Variants in IL1RL2 observed in about 807,000 individuals in gnomAD.
The protein encoded by IL1RL2 is interleukin 1 receptor like 2.
A neutral mutation model predicts 66.8 loss-of-function variants in IL1RL2; 68 were observed. That is an observed-to-expected ratio of 1.02 (90% CI 0.84 to 1.25). The LOEUF (loss-of-function observed/expected upper bound fraction) is 1.25, where lower values mean the gene tolerates loss of function less well. Ranked by LOEUF, IL1RL2 falls within the 50% of genes most tolerant of loss-of-function variation. The pLI, the probability that IL1RL2 is intolerant of heterozygous loss-of-function variation, is 0.00. For synonymous variants in IL1RL2, 305 were observed against 264.6 expected, an observed-to-expected ratio of 1.15 and a Z score of -1.48; for missense variants, 729 against 709.3, an observed-to-expected ratio of 1.03 and a Z score of -0.32.
chr2:102,217,476 A>G (rs1034310982), intron 6 of IL1RL2, among the ~76,000 whole-genome samples: 1 of 152,124 alleles, frequency 6.6e-6, no homozygotes, highest in African/African-American at 2.4e-5. Context: ...AAAAAGACCA[A>G]AAGGCCCAAA....
At chr2:102,232,617 G>A (rs927881321) in intron 9 of IL1RL2, among the ~76,000 whole-genome samples, 3 of 152,220 alleles carry the variant, frequency 2.0e-5, no homozygotes, top group Non-Finnish European at 4.4e-5. Flanking sequence ...CGCTGGACGA[G>A]TCTTCTGCCT....
Position 102,218,995 on chromosome 2 carries a change from A to G in IL1RL2, c.767A>G (p.Asp256Gly). ...GACTGCAATGTAACAGACACCAAGG[A>G]TAATACAAATCTACGATGCTGGAGA... is the stretch of plus-strand genomic sequence containing the variant. Reference protein sequence around the residue: ...IVDCNVTDTKDNTNLRCWRVN... With the variant: ...IVDCNVTDTKGNTNLRCWRVN... The change falls in exon 7 of 12, where the codon GAT becomes GGT. Residue 256 changes from aspartate (D) to glycine (G), a missense_variant. Transcript: ENST00000264257. 6.2e-7 allele frequency: 1 copy of G among 1,613,626 alleles called. No homozygotes were observed. The highest frequency in any genetic ancestry group is 1.1e-5 in the South Asian group (1 of 91,078).
chr2:102,233,264 G>A (rs1449700006), intron 10 of IL1RL2, 140 bp downstream of exon 10: 9 of 810,732 alleles, frequency 1.1e-5, no homozygotes, highest in African/African-American at 5.2e-5. Context: ...CCCCCTGCCC[G>A]TCAGCCCCCA....
At position 102,212,272 on chromosome 2, in the gene IL1RL2, A is replaced by T. The variant is rs906891425; in HGVS notation, c.724+98A>T. The T allele has an allele frequency of 1.4e-5, 12 of 861,516 alleles. No homozygotes were observed. In the African/African-American group the frequency reaches 2.0e-4, roughly 14 times the overall value. 53.4% of individuals were successfully genotyped at this position (861,516 alleles called of 1,614,324 possible). A position where few individuals can be genotyped will look rare whatever the true frequency, so the allele number is the denominator to read the frequency against. On this transcript the variant is annotated intron_variant, in intron 6 of 11. Coordinates refer to ENST00000264257, the MANE Select transcript of IL1RL2 (RefSeq NM_003854.4). ...TTTTGAATGTTAAGGATGAAGATAA[A>T]TCCTATACACACCCAGTTTCCAGCT...
At chr2:102,220,914 C>T (rs1264126491) in intron 8 of IL1RL2, among the ~76,000 whole-genome samples, 2 of 152,178 alleles carry the variant, frequency 1.3e-5, no homozygotes, top group African/African-American at 2.4e-5. Context: ...CCTAAGTGCC[C>T]GTTACCTCCC....
chr2:102,187,116 C>T (rs1207571235), intron 1 of IL1RL2, 30 bp downstream of exon 1: 5 of 1,288,498 alleles, frequency 3.9e-6, no homozygotes, highest in African/African-American at 3.0e-5. Flanking sequence ...TCTGGCTGAG[C>T]CAGGCATGGG....
At chr2:102,227,035 T>A (rs1443593553) in intron 9 of IL1RL2, among the ~76,000 whole-genome samples, 1 of 152,240 alleles carries the variant, frequency 6.6e-6, no homozygotes, top group Non-Finnish European at 1.5e-5. Flanking sequence ...CCTGACTCTC[T>A]GAGAGCCTGG....
At chr2:102,229,055 G>T (rs916116694) in intron 9 of IL1RL2, among the ~76,000 whole-genome samples, 1 of 152,212 alleles carries the variant, frequency 6.6e-6, no homozygotes, top group East Asian at 1.9e-4. Context: ...AAGCATTTGC[G>T]TGGAGGCCAG....
At position 102,239,191 on chromosome 2, in the gene IL1RL2, G is replaced by C. The variant is rs751856142; in HGVS notation, c.1679-1G>C. ...AGTAAATAGATCTTTCCTGATTTCA[G>C]GCCCAGAACTAGGCTCAAGAAGAAA... On this transcript the variant is annotated splice_acceptor_variant, in intron 11 of 11. Coordinates refer to ENST00000264257, the MANE Select transcript of IL1RL2 (RefSeq NM_003854.4). LOFTEE classifies it high-confidence loss of function. 1 of 1,613,852 alleles carries C rather than the reference G, an allele frequency of 6.2e-7. No homozygotes were observed. The highest frequency in any genetic ancestry group is 8.5e-7 in the Non-Finnish European group (1 of 1,179,796).
At chr2:102,211,300 G>A (rs1162148602) in intron 5 of IL1RL2, among the ~76,000 whole-genome samples, 2 of 152,166 alleles carry the variant, frequency 1.3e-5, no homozygotes, top group African/African-American at 4.8e-5. Context: ...CAGACAAATG[G>A]GAGAGGAAAG....
At chr2:102,191,098 C>T (rs900439243) in intron 3 of IL1RL2, among the ~76,000 whole-genome samples, 1 of 152,044 alleles carries the variant, frequency 6.6e-6, no homozygotes, top group Non-Finnish European at 1.5e-5. Flanking sequence ...ATAATTTTCT[C>T]TTTCACAATA....
At position 102,208,693 on chromosome 2, in the gene IL1RL2, A is replaced by G. The variant is rs142449113; in HGVS notation, c.650-3407A>G. ...TGGCTCCCTGCTGCCTATGCAGGAC[A>G]GGGCCCTTTACTCTGTACAGTCCAG... On this transcript the variant is annotated intron_variant, in intron 5 of 11. Transcript: ENST00000264257. Among the ~76,000 whole-genome samples the G allele has an allele frequency of 1.8e-3, 268 of 152,360 alleles. 2 individuals are homozygous for G. Among genetic ancestry groups the G allele is most frequent in the African/African-American group, 5.9e-3 (244 of 41,592 alleles).
rs35846688 is a variant in IL1RL2, at chr2:102,197,023, G to A, written c.490-4533G>A. 4.0e-3 allele frequency among the ~76,000 whole-genome samples: 609 copies of A among 152,212 alleles called. 1 individual carries two copies. Among genetic ancestry groups the A allele is most frequent in the African/African-American group, 0.014 (581 of 41,524 alleles). ...TCCTAGAAATCAAGTTAAGAAGTGC[G>A]GTTCATTTCAGAAAGTTATAAAGTA... On this transcript the variant is annotated intron_variant, in intron 4 of 11. Coordinates refer to ENST00000264257, the MANE Select transcript of IL1RL2 (RefSeq NM_003854.4).
chr2:102,191,190 T>A (rs778056733), intron 3 of IL1RL2, among the ~76,000 whole-genome samples: 1 of 152,182 alleles, frequency 6.6e-6, no homozygotes, highest in Non-Finnish European at 1.5e-5. Flanking sequence ...AATACTGCCT[T>A]AGCCCTTAAT....
intron 5 of IL1RL2, among the ~76,000 whole-genome samples, chr2:102,203,886 G>GT (rs1004426774): frequency 1.1e-4 from 16 of 151,288 alleles, no homozygotes; most frequent in African/African-American, 3.4e-4. Context: ...GATCTTCTGT[G>GT]TTTTTTTCAT....
At chr2:102,224,181 T>C (rs1432242192) in intron 8 of IL1RL2, among the ~76,000 whole-genome samples, 1 of 152,146 alleles carries the variant, frequency 6.6e-6, no homozygotes, top group Non-Finnish European at 1.5e-5. Flanking sequence ...AAACTAAAAA[T>C]ATAACAACCA....
At chr2:102,235,771 A>G (rs980494488) in intron 11 of IL1RL2, 2 of 985,408 alleles carry the variant, frequency 2.0e-6, no homozygotes, top group Non-Finnish European at 2.4e-6. Context: ...CTCAGGGGTC[A>G]TTTGCTGTGT....
At chr2:102,231,676 G>A (rs1559562407) in intron 9 of IL1RL2, among the ~76,000 whole-genome samples, 1 of 152,108 alleles carries the variant, frequency 6.6e-6, no homozygotes, top group Non-Finnish European at 1.5e-5. Context: ...TGTGCATGTG[G>A]ATGGTCTGCC....
At chr2:102,194,235 G>A (rs1042423513) in intron 4 of IL1RL2, among the ~76,000 whole-genome samples, 1 of 152,144 alleles carries the variant, frequency 6.6e-6, no homozygotes, top group Non-Finnish European at 1.5e-5. Context: ...ATCATATGTA[G>A]TGTTTATGTC....
Sources: allele counts gnomAD v4.1 joint callset (sites outside exome capture counted in the v4.1 genomes callset), GRCh38; gene constraint gnomAD v4.1.1; transcripts MANE v1.5; gene names NCBI Gene and HGNC (gene_info 2026-07-23, HGNC 2026-07-21).